COPG2: variants seen among roughly 807,000 people sequenced by gnomAD.
COPG2 encodes the protein coat protein complex I subunit gamma 2.
A neutral mutation model predicts 46.3 loss-of-function variants in COPG2; 37 were observed. That is an observed-to-expected ratio of 0.80 (90% confidence interval 0.61 to 1.05). The LOEUF is 1.05. Among genes scored for constraint, COPG2 ranks in the 50% least tolerant of loss-of-function variants. The pLI is 0.00. For synonymous variants in COPG2, 159 were observed against 129.7 expected (o/e 1.23, Z -1.53); for missense variants, 427 against 387.8 (o/e 1.10, Z -0.85).
rs1799498799 is a variant in COPG2 at position 130,506,756 on chromosome 7, CT to C, written c.2535del (p.Ala846ProfsTer4). On this transcript the variant is annotated frameshift_variant, in exon 24 of 24. Coordinates refer to ENST00000425248, the MANE Select transcript of COPG2 (RefSeq NM_012133.6). LOFTEE classifies it high-confidence loss of function. ...YDLLVRSRLA[L>X]ADGVTMQVTV... The stretch of plus-strand genomic sequence containing the variant: ...GTCACCTGCATGGTCACTCCATCGG[CT>C]AAGGCCAGCCTGGACCTCACCAATA... The C allele has an allele frequency of 3.8e-6, 3 of 780,514 alleles. No homozygotes were observed. Among genetic ancestry groups the C allele is most frequent in the Non-Finnish European group, 7.2e-6 (3 of 417,794 alleles). The allele number at this position is 780,514 out of a possible 1,614,324, so 48.3% of individuals were successfully genotyped here.
Position 130,554,545 on chromosome 7 carries a change from G to T in COPG2, c.1404C>A (p.Val468=), listed in dbSNP as rs1793587498. 2.5e-6 allele frequency: 1 copy of T among 398,486 alleles called. No homozygotes were observed. Among genetic ancestry groups the T allele is most frequent in the East Asian group, 3.6e-5 (1 of 28,086 alleles). The allele number at this position is 398,486 out of a possible 1,614,324, so 24.7% of individuals were successfully genotyped here. Residue 468 remains valine (V), a synonymous_variant, in exon 14 of 24, where the codon GTC becomes GTA. Transcript: ENST00000425248. ...LLGKEGPRTP[V]PSKYIRFIFN... ...AAATAAAACGGATATATTTGGAGGGGACAGGCGTTCTAGGGCCCTCTTTGC... is the reference window on the plus strand; with the variant it reads ...AAATAAAACGGATATATTTGGAGGGTACAGGCGTTCTAGGGCCCTCTTTGC...
At chr7:130,586,026 T>C (rs1426727679) in intron 9 of COPG2, among the ~76,000 whole-genome samples, 2 of 152,082 alleles carry the variant, frequency 1.3e-5, no homozygotes, top group African/African-American at 2.4e-5. Flanking sequence ...CACATGTTTA[T>C]AGCAGTACAA....
intron 9 of COPG2, among the ~76,000 whole-genome samples, chr7:130,587,916 G>T (rs1794306991): frequency 6.6e-6 from 1 of 151,762 alleles, no homozygotes; most frequent in African/African-American, 2.4e-5. Context: ...CTAATATCCA[G>T]AATCTACAAT....
chr7:130,580,199 A>G (rs1169838045), intron 9 of COPG2, among the ~76,000 whole-genome samples: 2 of 152,198 alleles, frequency 1.3e-5, no homozygotes, highest in Non-Finnish European at 2.9e-5. Context: ...ACTCACTCAA[A>G]ACCACTCAAC....
At chr7:130,554,951 G>A (rs1405870897) in intron 13 of COPG2, 86 bp downstream of exon 13, 3 of 397,634 alleles carry the variant, frequency 7.5e-6, no homozygotes, top group Non-Finnish European at 4.4e-6. Context: ...GAGATGATAA[G>A]GAAATCTTAA....
At chr7:130,658,238 T>C (rs1363512703) in intron 4 of COPG2, among the ~76,000 whole-genome samples, 1 of 152,196 alleles carries the variant, frequency 6.6e-6, no homozygotes, top group African/African-American at 2.4e-5. Context: ...CAAACAATAA[T>C]ATGGATGAAT....
chr7:130,667,231 C>T (rs973330158), intron 2 of COPG2, among the ~76,000 whole-genome samples: 1 of 152,166 alleles, frequency 6.6e-6, no homozygotes, highest in Non-Finnish European at 1.5e-5. Context: ...ATTTCAATAA[C>T]CTTGCACTAA....
intron 9 of COPG2, among the ~76,000 whole-genome samples, chr7:130,598,007 C>T (rs1023107941): frequency 1.3e-5 from 2 of 152,114 alleles, no homozygotes; most frequent in Non-Finnish European, 2.9e-5. Context: ...GACAGCAGGC[C>T]CAAATGACAC....
intron 20 of COPG2, among the ~76,000 whole-genome samples, chr7:130,517,422 G>A (rs924996577): frequency 6.6e-6 from 1 of 152,164 alleles, no homozygotes; most frequent in Non-Finnish European, 1.5e-5. Flanking sequence ...ACAGAGCTTC[G>A]GGGACCCAGG....
intron 9 of COPG2, chr7:130,610,633 TA>T: frequency 1.8e-6 from 1 of 549,514 alleles, no homozygotes; most frequent in Admixed American, 1.9e-5. Context: ...TTTATAAAAA[TA>T]AAAGGGATAG....
intron 9 of COPG2, among the ~76,000 whole-genome samples, chr7:130,598,261 G>A (rs1487156699): frequency 2.0e-5 from 3 of 152,112 alleles, no homozygotes; most frequent in African/African-American, 7.2e-5. Flanking sequence ...CTGCCTCAGG[G>A]CTTTAGGGAT....
At position 130,550,662 on chromosome 7, in the gene COPG2, G is replaced by C. The variant is rs1793525132; in HGVS notation, c.1649-13C>G. On this transcript the variant is annotated splice_polypyrimidine_tract_variant and intron_variant, in intron 16 of 23. Transcript: ENST00000425248. The stretch of plus-strand genomic sequence containing the variant: ...GAGACCGTCAAACCTGTGAAACATA[G>C]AGAAATCTCAGCATTATAACCTCTT... 1 of 396,610 alleles carries C rather than the reference G, an allele frequency of 2.5e-6. No individual in the cohort carries two copies. The highest frequency in any genetic ancestry group is 3.6e-5 in the East Asian group (1 of 27,976). The allele number at this position is 396,610 out of a possible 1,614,324, so 24.6% of individuals were successfully genotyped here. A position where few individuals can be genotyped will look rare whatever the true frequency, so the allele number is the denominator to read the frequency against.
At chr7:130,642,524 C>A (rs1483998880) in intron 5 of COPG2, among the ~76,000 whole-genome samples, 1 of 152,122 alleles carries the variant, frequency 6.6e-6, no homozygotes, top group Non-Finnish European at 1.5e-5. Flanking sequence ...TGTCTGTTTT[C>A]TTTCCAACAT....
chr7:130,613,640 A>G lies in COPG2; in HGVS notation c.400-4T>C, dbSNP rs1554452488. On this transcript the variant is annotated splice_region_variant and splice_polypyrimidine_tract_variant and intron_variant, in intron 6 of 23. Coordinates refer to ENST00000425248, the MANE Select transcript of COPG2 (RefSeq NM_012133.6). ...CAATGGCTTGCAACATTGTTCCCTA[A>G]TAACATTCAAAAAGAAAAAATTGTT... is the stretch of plus-strand genomic sequence containing the variant. The G allele has an allele frequency of 1.3e-6, 2 of 1,580,900 alleles. No individual in the cohort carries two copies. Among genetic ancestry groups the G allele is most frequent in the Admixed American group, 1.8e-5 (1 of 56,764 alleles).
intron 8 of COPG2, among the ~76,000 whole-genome samples, 158 bp from the exon 9 acceptor site, chr7:130,611,268 G>A (rs1483015241): frequency 5.3e-5 from 8 of 152,154 alleles, no homozygotes; most frequent in African/African-American, 1.9e-4. Flanking sequence ...ACACAGGCAA[G>A]ACTGAAAAGA....
intron 9 of COPG2, among the ~76,000 whole-genome samples, chr7:130,597,605 T>C (rs1794553598): frequency 6.6e-6 from 1 of 151,314 alleles, no homozygotes; most frequent in Admixed American, 6.6e-5. Context: ...GGGCCAGGCT[T>C]ATCTAAGAAA....
At chr7:130,663,098 A>G in intron 3 of COPG2, 60 bp from the exon 4 acceptor site, 1 of 816,438 alleles carries the variant, frequency 1.2e-6, no homozygotes, top group South Asian at 2.0e-5. Flanking sequence ...ATATATGTAC[A>G]TATACACACA....
chr7:130,599,946 C>T (rs1741238989), intron 9 of COPG2, among the ~76,000 whole-genome samples: 1 of 152,092 alleles, frequency 6.6e-6, no homozygotes, highest in Non-Finnish European at 1.5e-5. Context: ...ACAGTTTTCA[C>T]TTTAAAATTT....
Position 130,611,116 on chromosome 7 carries a change from G to A in COPG2, c.580-6C>T. On this transcript the variant is annotated splice_polypyrimidine_tract_variant and splice_region_variant and intron_variant, in intron 8 of 23. Coordinates refer to ENST00000425248, the MANE Select transcript of COPG2 (RefSeq NM_012133.6). ...AGGACTCCCAATGCATGGTACTAAA[G>A]AACATGAAAAAGAAGGTAGCACATG... 1 of 1,607,262 alleles carries A rather than the reference G, an allele frequency of 6.2e-7. No individual in the cohort carries two copies. The highest frequency in any genetic ancestry group is 1.7e-4 in the Middle Eastern group (1 of 6,028).
Sources: gnomAD v4.1 joint callset for allele counts (sites outside exome capture counted in the v4.1 genomes callset) on GRCh38, gnomAD v4.1.1 for gene constraint, MANE v1.5 for transcripts, NCBI Gene and HGNC (gene_info 2026-07-23, HGNC 2026-07-21) for gene names.